The following ASTN2 variants were observed in gnomAD, a reference collection of about 807,000 sequenced individuals.
The protein encoded by ASTN2 is astrotactin 2, also known as astrotactin-2.
A neutral mutation model predicts 139.8 loss-of-function variants in ASTN2; 54 were observed. That is an observed-to-expected ratio of 0.39 (90% CI 0.31 to 0.48). The LOEUF is 0.48. Among genes scored for constraint, ASTN2 ranks in the 20% least tolerant of loss-of-function variants. The probability of loss-of-function intolerance (pLI) is 0.95; values close to 1 mark genes in which losing one functional copy is unlikely to be tolerated. For synonymous variants in ASTN2, 756 were observed against 719.5 expected (o/e 1.05, Z -0.81); for missense variants, 1,565 against 1,725.1 (o/e 0.91, Z 1.64).
At chr9:117,305,928 C>G (rs1008286878) in intron 1 of ASTN2, among the ~76,000 whole-genome samples, 1 of 152,198 alleles carries the variant, frequency 6.6e-6, no homozygotes. Context: ...CTACTATCTC[C>G]TCTGCGGTGC....
chr9:116,713,024 A>T (rs1215273369), intron 16 of ASTN2, among the ~76,000 whole-genome samples: 3 of 152,146 alleles, frequency 2.0e-5, no homozygotes, highest in African/African-American at 7.2e-5. Context: ...CTTTGGACAC[A>T]TGGCCTTTTG....
At chr9:116,505,795 A>T (rs1156740723) in intron 19 of ASTN2, among the ~76,000 whole-genome samples, 2 of 152,096 alleles carry the variant, frequency 1.3e-5, no homozygotes, top group Non-Finnish European at 2.9e-5. Context: ...ACTACACTTC[A>T]ATGACTGTGC....
At chr9:117,231,980 C>T (rs970251181) in intron 2 of ASTN2, among the ~76,000 whole-genome samples, 2 of 152,116 alleles carry the variant, frequency 1.3e-5, no homozygotes, top group African/African-American at 4.8e-5. Context: ...GCCCTGCACT[C>T]GGGGAAGCAG....
At chr9:117,366,780 CT>C (rs1054980679) in intron 1 of ASTN2, among the ~76,000 whole-genome samples, 6 of 149,646 alleles carry the variant, frequency 4.0e-5, no homozygotes, top group East Asian at 2.0e-4. Context: ...TTCATCTTCT[CT>C]TTTTTTTTTC....
intron 2 of ASTN2, among the ~76,000 whole-genome samples, chr9:117,290,900 C>T (rs1032236256): frequency 1.3e-5 from 2 of 152,214 alleles, no homozygotes; most frequent in African/African-American, 4.8e-5. Flanking sequence ...AAACACCTGA[C>T]ACATCAAGGG....
intron 19 of ASTN2, among the ~76,000 whole-genome samples, chr9:116,519,060 G>GT (rs1850763527): frequency 6.6e-6 from 1 of 151,970 alleles, no homozygotes; most frequent in African/African-American, 2.4e-5. Flanking sequence ...AACAGTGGGG[G>GT]ACTTTAATAC....
chr9:117,033,472 C>T (rs151114227), intron 6 of ASTN2, among the ~76,000 whole-genome samples: 3,258 of 152,142 alleles, frequency 0.021, 58 homozygotes, highest in Non-Finnish European at 0.037. Context: ...CTATTATCCC[C>T]AATTTATAGA....
At chr9:116,500,866 A>G (rs1849830124) in intron 19 of ASTN2, among the ~76,000 whole-genome samples, 1 of 152,208 alleles carries the variant, frequency 6.6e-6, no homozygotes, top group Admixed American at 6.5e-5. Context: ...AAAAAATACC[A>G]ATTCATGAAA....
At chr9:117,134,285 TATATATATATACACACACACAC>T (rs1349115384) in intron 4 of ASTN2, among the ~76,000 whole-genome samples, 1 of 76,024 alleles carries the variant, frequency 1.3e-5, no homozygotes, top group African/African-American at 4.8e-5. Context: ...TATATATATA[TATATATATATACACACACACAC>T]ACACACACAC....
At chr9:116,537,198 G>C (rs1339240186) in intron 19 of ASTN2, among the ~76,000 whole-genome samples, 1 of 152,198 alleles carries the variant, frequency 6.6e-6, no homozygotes, top group Non-Finnish European at 1.5e-5. Flanking sequence ...TGCTCAGTTG[G>C]AAATGCAGAA....
intron 4 of ASTN2, among the ~76,000 whole-genome samples, chr9:117,108,464 C>CACACACACACACACACACAG (rs1829164765): frequency 1.3e-5 from 2 of 151,838 alleles, no homozygotes; most frequent in Non-Finnish European, 2.9e-5. Context: ...CACACACACA[C>CACACACACACACACACACAG]ACACACATTT....
At chr9:117,351,595 A>G (rs1267963735) in intron 1 of ASTN2, among the ~76,000 whole-genome samples, 1 of 152,148 alleles carries the variant, frequency 6.6e-6, no homozygotes, top group African/African-American at 2.4e-5. Context: ...ACAATTTTCA[A>G]ATTTCTCTCT....
chr9:116,906,704 A>T (rs1437102546), intron 10 of ASTN2, among the ~76,000 whole-genome samples: 4 of 151,852 alleles, frequency 2.6e-5, no homozygotes, highest in South Asian at 4.2e-4. Context: ...TTTGTACCTC[A>T]GAGTCTGGTA....
intron 2 of ASTN2, among the ~76,000 whole-genome samples, chr9:117,277,957 GAC>G (rs1382555029): frequency 6.6e-6 from 1 of 152,082 alleles, no homozygotes; most frequent in African/African-American, 2.4e-5. Context: ...GGAAAACATA[GAC>G]ACAAAAAAAT....
chr9:116,990,363 TTCA>T (rs1268825875), intron 7 of ASTN2, among the ~76,000 whole-genome samples: 1 of 28,976 alleles, frequency 3.5e-5, no homozygotes, highest in Non-Finnish European at 4.1e-4. Context: ...GCCTCTTGGG[TTCA>T]AGCGATTCTC....
At chr9:116,558,240 C>T (rs1852733246) in intron 19 of ASTN2, among the ~76,000 whole-genome samples, 1 of 152,142 alleles carries the variant, frequency 6.6e-6, no homozygotes, top group Non-Finnish European at 1.5e-5. Flanking sequence ...ACAATACAAA[C>T]AGCAGCAGTA....
rs564014370 is a variant in ASTN2, at chr9:117,152,994, C to T, written c.1016-11516G>A. Among the ~76,000 whole-genome samples, 3 of 152,122 alleles carry T rather than the reference C, an allele frequency of 2.0e-5. No homozygotes were observed. The South Asian group carries it at 6.2e-4, about 32-fold the overall frequency. On this transcript the variant is annotated intron_variant, in intron 3 of 22. Coordinates refer to ENST00000313400, the MANE Select transcript of ASTN2 (RefSeq NM_001365068.1). The stretch of plus-strand genomic sequence containing the variant: ...TGTCCATGGTACATGGAAGTATCTG[C>T]CTCATTTTTTTACCCCCAATTTCAA...
intron 16 of ASTN2, among the ~76,000 whole-genome samples, chr9:116,666,708 C>T (rs1858883547): frequency 1.3e-5 from 2 of 151,786 alleles, no homozygotes; most frequent in Non-Finnish European, 2.9e-5. Context: ...CAACATTCTA[C>T]AAAAGGAGCC....
rs1860464906 is a variant in ASTN2, at chr9:116,689,688, CACTG to C, written c.2806+36079_2806+36082del. On this transcript the variant is annotated intron_variant, in intron 16 of 22. Coordinates refer to ENST00000313400, the MANE Select transcript of ASTN2 (RefSeq NM_001365068.1). ...GAAAAAGAGGATTGCCAGTGAGTAT[CACTG>C]ACTATCAGATTGAACTCTAAAGTTG... Among the ~76,000 whole-genome samples, 4 of 152,146 alleles carry C rather than the reference CACTG, an allele frequency of 2.6e-5. No individual in the cohort carries two copies. In the South Asian group the frequency reaches 8.3e-4, roughly 32 times the overall value.
Sources: allele counts gnomAD v4.1 joint callset (sites outside exome capture counted in the v4.1 genomes callset), GRCh38; gene constraint gnomAD v4.1.1; transcripts MANE v1.5; gene names NCBI Gene and HGNC (gene_info 2026-07-23, HGNC 2026-07-21).